NTM: variants seen among roughly 807,000 people sequenced by gnomAD.
The protein encoded by NTM is neurotrimin.
Under a neutral mutation model 42.1 loss-of-function variants are expected in NTM, and 13 were observed. The ratio of observed to expected loss-of-function variants is 0.31; its 90% CI spans 0.20 to 0.49. The LOEUF is 0.49. NTM is among the 20% of genes least tolerant of loss of function. The probability of loss-of-function intolerance (pLI) is 0.99; values close to 1 mark genes in which losing one functional copy is unlikely to be tolerated. For synonymous variants in NTM, 187 were observed against 179.2 expected (o/e 1.04, Z -0.35); for missense variants, 373 against 452.8 (o/e 0.82, Z 1.60).
chr11:132,029,191 CT>C (rs201371266), intron 2 of NTM, among the ~76,000 whole-genome samples: 6 of 151,740 alleles, frequency 4.0e-5, no homozygotes, highest in Non-Finnish European at 7.4e-5. Context: ...CTGAGGATCT[CT>C]TTTTTTTATT....
chr11:132,087,525 T>C (rs2059873723), intron 2 of NTM, among the ~76,000 whole-genome samples: 1 of 152,112 alleles, frequency 6.6e-6, no homozygotes, highest in Non-Finnish European at 1.5e-5. Flanking sequence ...GTGCCTGGTC[T>C]CATCAATCCC....
chr11:131,736,373 G>A (rs2135536105), intron 1 of NTM, among the ~76,000 whole-genome samples: 1 of 152,234 alleles, frequency 6.6e-6, no homozygotes, highest in South Asian at 2.1e-4. Context: ...TACTGCTGGG[G>A]AAAATGTTCA....
rs538526324 is a variant in NTM, at chr11:132,205,902, C to T, written c.401-6120C>T. ...AGCAAGTCTAAGATAGAATTAATCA[C>T]ACTAATGTTCTCCCCAAAAGTAGTT... On this transcript the variant is annotated intron_variant, in intron 3 of 8. Transcript: ENST00000683400. Among the ~76,000 whole-genome samples, 30 of 152,280 alleles carry T rather than the reference C, an allele frequency of 2.0e-4. 1 individual carries two copies. The South Asian group carries it at 6.2e-3, about 32-fold the overall frequency.
rs564459647 is a variant in NTM, at chr11:132,069,526, G to A, written c.168-76756G>A. 6.1e-5 allele frequency among the ~76,000 whole-genome samples: 9 copies of A among 147,898 alleles called. No individual in the cohort carries two copies. The East Asian group carries it at 1.8e-3, about 29-fold the overall frequency. On this transcript the variant is annotated intron_variant, in intron 2 of 8. Transcript: ENST00000683400. The stretch of plus-strand genomic sequence containing the variant: ...TTAACACGTCACACTGACCGTCACA[G>A]GTTAGTTAACACGTCACCCAGCCAA...
At chr11:131,819,430 A>G (rs2093085887) in intron 1 of NTM, among the ~76,000 whole-genome samples, 1 of 152,164 alleles carries the variant, frequency 6.6e-6, no homozygotes, top group African/African-American at 2.4e-5. Flanking sequence ...TGTCCTGCTC[A>G]CTCACATACC....
chr11:131,730,638 G>A (rs1350118041), intron 1 of NTM, among the ~76,000 whole-genome samples: 1 of 151,766 alleles, frequency 6.6e-6, no homozygotes, highest in Non-Finnish European at 1.5e-5. Flanking sequence ...GGGATTGTTC[G>A]AGCCTAGGAG....
At chr11:131,755,445 C>T (rs2083204572) in intron 1 of NTM, among the ~76,000 whole-genome samples, 1 of 152,210 alleles carries the variant, frequency 6.6e-6, no homozygotes, top group East Asian at 1.9e-4. Context: ...TACAGATGGA[C>T]CGCATGCAGG....
intron 3 of NTM, among the ~76,000 whole-genome samples, chr11:132,153,841 T>C (rs1301724338): frequency 2.0e-5 from 3 of 152,150 alleles, no homozygotes; most frequent in Non-Finnish European, 4.4e-5. Flanking sequence ...ATATCTGTCT[T>C]ATAAGGTAAC....
intron 2 of NTM, among the ~76,000 whole-genome samples, chr11:131,969,008 C>T (rs937684116): frequency 1.3e-5 from 2 of 152,142 alleles, no homozygotes; most frequent in African/African-American, 4.8e-5. Flanking sequence ...TATTACAGAG[C>T]AAATACAGGA....
At chr11:131,865,685 C>A (rs997874296) in intron 1 of NTM, among the ~76,000 whole-genome samples, 3 of 151,782 alleles carry the variant, frequency 2.0e-5, no homozygotes, top group Non-Finnish European at 4.4e-5. Flanking sequence ...CACTCACATA[C>A]ACACCAAAAA....
At chr11:132,330,118 G>T (rs944070517) in intron 7 of NTM, 35 bp from the exon 8 acceptor site, 4 of 1,551,178 alleles carry the variant, frequency 2.6e-6, no homozygotes, top group Non-Finnish European at 3.5e-6. Flanking sequence ...GTCTGCTTTC[G>T]ACCTTAACAG....
At chr11:132,084,701 G>A (rs1304459680) in intron 2 of NTM, among the ~76,000 whole-genome samples, 1 of 152,156 alleles carries the variant, frequency 6.6e-6, no homozygotes, top group Non-Finnish European at 1.5e-5. Flanking sequence ...CTCATTAAGA[G>A]GAAATACTTA....
rs536154975 is a variant in NTM, at chr11:131,471,838, G to A, written c.82+100950G>A. Among the ~76,000 whole-genome samples, 17 of 152,314 alleles carry A rather than the reference G, an allele frequency of 1.1e-4. No individual in the cohort carries two copies. The South Asian group carries it at 3.3e-3, about 30-fold the overall frequency. On this transcript the variant is annotated intron_variant, in intron 1 of 8. Transcript: ENST00000683400. The stretch of plus-strand genomic sequence containing the variant: ...TAGGGATTTACTCCGATCACCAGCT[G>A]CTTGTCTTTCCACCCTGAGTGTTCT...
chr11:132,147,229 G>C (rs1164764887), intron 3 of NTM, among the ~76,000 whole-genome samples: 7 of 151,746 alleles, frequency 4.6e-5, no homozygotes, highest in Admixed American at 4.6e-4. Context: ...GAGAGAGAGA[G>C]AGAGAGAGAG....
chr11:131,727,720 G>A (rs149377768), intron 1 of NTM, among the ~76,000 whole-genome samples: 293 of 152,292 alleles, frequency 1.9e-3, no homozygotes, highest in African/African-American at 6.6e-3. Flanking sequence ...AGAGAATCCA[G>A]AAGAGGTCTG....
At chr11:132,251,916 A>G (rs1296445615) in intron 4 of NTM, among the ~76,000 whole-genome samples, 2 of 152,350 alleles carry the variant, frequency 1.3e-5, no homozygotes, top group South Asian at 2.1e-4. Context: ...TTAGGCTAAC[A>G]GTGACAAAGC....
At chr11:131,664,733 G>A (rs1252644911) in intron 1 of NTM, among the ~76,000 whole-genome samples, 1 of 148,498 alleles carries the variant, frequency 6.7e-6, no homozygotes, top group Non-Finnish European at 1.5e-5. Context: ...GTCAGAAGGG[G>A]GCCACTGCTC....
chr11:132,197,969 G>A (rs1449333222), intron 3 of NTM, among the ~76,000 whole-genome samples: 1 of 152,056 alleles, frequency 6.6e-6, no homozygotes, highest in Non-Finnish European at 1.5e-5. Context: ...ACGTGTGCAT[G>A]TGTCTTTATA....
chr11:131,770,365 G>C (rs2085868709), intron 1 of NTM, among the ~76,000 whole-genome samples: 1 of 152,136 alleles, frequency 6.6e-6, no homozygotes, highest in Non-Finnish European at 1.5e-5. Flanking sequence ...TAGAGAGCTG[G>C]AGTCATCAGC....
Sources: gnomAD v4.1 joint callset for allele counts (sites outside exome capture counted in the v4.1 genomes callset) on GRCh38, gnomAD v4.1.1 for gene constraint, MANE v1.5 for transcripts, NCBI Gene and HGNC (gene_info 2026-07-23, HGNC 2026-07-21) for gene names.